Variants in PRDM4 observed in about 807,000 individuals in gnomAD.
The protein encoded by PRDM4 is PR domain zinc finger protein 4.
A neutral mutation model predicts 62.3 loss-of-function variants in PRDM4; 38 were observed. The observed-to-expected ratio is 0.61, with a 90% CI of 0.47 to 0.80. The LOEUF is 0.80. Ranked by LOEUF, PRDM4 falls within the 30% of genes least tolerant of loss-of-function variation. The pLI is 0.00. For missense variants in PRDM4, 858 were observed against 997.1 expected (o/e 0.86, Z 1.88); for synonymous variants, 339 against 348.2 (o/e 0.97, Z 0.30).
chr12:107,738,649 T>TAA (rs1890411083), intron 11 of PRDM4, among the ~76,000 whole-genome samples: 1 of 152,210 alleles, frequency 6.6e-6, no homozygotes, highest in African/African-American at 2.4e-5. Flanking sequence ...ATTCATGCAA[T>TAA]AAATACCTAA....
intron 11 of PRDM4, among the ~76,000 whole-genome samples, chr12:107,735,918 G>C (rs1482480474): frequency 6.6e-6 from 1 of 152,072 alleles, no homozygotes; most frequent in Non-Finnish European, 1.5e-5. Context: ...TCCTCTTCTA[G>C]CAACAGATGG....
intron 2 of PRDM4, among the ~76,000 whole-genome samples, chr12:107,760,214 G>T (rs1186873915): frequency 1.3e-5 from 2 of 152,154 alleles, no homozygotes; most frequent in South Asian, 4.1e-4. Context: ...AACAATACAC[G>T]TTGGAATCCG....
At chr12:107,742,119 T>A in intron 9 of PRDM4, 102 bp downstream of exon 9, 1 of 1,260,564 alleles carries the variant, frequency 7.9e-7, no homozygotes, top group Non-Finnish European at 1.1e-6. Flanking sequence ...AACAAAGGTA[T>A]ATGATTTGCT....
chr12:107,751,708 T>C lies in PRDM4; in HGVS notation c.833A>G (p.Asn278Ser), dbSNP rs148244009. 9.9e-5 allele frequency: 160 copies of C among 1,614,160 alleles called. No individual in the cohort carries two copies. The highest frequency in any genetic ancestry group is 2.7e-4 in the African/African-American group (20 of 75,036). The change falls in exon 5 of 12, where the codon AAT becomes AGT. Residue 278 changes from asparagine to serine, a missense_variant. Physicochemically the swap from Asn to Ser is conservative, Grantham distance 46. Around this residue, in one of 3 missense-constraint regions of PRDM4, gnomAD observed 499 missense variants for 546.7 expected, o/e 0.91. Coordinates refer to ENST00000228437, the MANE Select transcript of PRDM4 (RefSeq NM_012406.4). ...ACTGAGGGCACTGTCAGACATGCCATTGACCCGACTTGCAATGTGGTCTGT... is the reference window on the plus strand; with the variant it reads ...ACTGAGGGCACTGTCAGACATGCCACTGACCCGACTTGCAATGTGGTCTGT... ...METDHIASRV[N>S]GMSDSALSDS...
chr12:107,755,883 G>A (rs1045512274), intron 3 of PRDM4, among the ~76,000 whole-genome samples: 1 of 152,152 alleles, frequency 6.6e-6, no homozygotes, highest in Non-Finnish European at 1.5e-5. Flanking sequence ...GCAGGAGTTC[G>A]AGACCAGCCT....
At chr12:107,736,412 G>T (rs1468756948) in intron 11 of PRDM4, 3 of 152,414 alleles carry the variant, frequency 2.0e-5, no homozygotes, top group Admixed American at 2.0e-4. Context: ...GGCATCTGGA[G>T]GGAGAAGTTT....
rs201635757 is a variant in PRDM4 at position 107,744,554 on chromosome 12, G to A, written c.1384C>T (p.His462Tyr). 39 of 1,613,250 alleles carry A rather than the reference G, an allele frequency of 2.4e-5. No individual in the cohort carries two copies. In the East Asian group the frequency reaches 8.5e-4, roughly 35 times the overall value. ...VAEWTDKAVN[H>Y]IWKIYHNGVL... Reference sequence around the variant, plus strand: ...TCATCAGGACTGACCTTCCAGATATGGTTAACTGCCTTGTCTGTCCATTCT... The same window carrying A: ...TCATCAGGACTGACCTTCCAGATATAGTTAACTGCCTTGTCTGTCCATTCT... Residue 462 changes from histidine (H) to tyrosine (Y), a missense_variant, in exon 7 of 12, where the codon CAT becomes TAT. Coordinates refer to ENST00000228437, the MANE Select transcript of PRDM4 (RefSeq NM_012406.4).
chr12:107,744,485 A>C, intron 7 of PRDM4, 58 bp downstream of exon 7: 1 of 1,569,944 alleles, frequency 6.4e-7, no homozygotes, highest in Non-Finnish European at 8.7e-7. Context: ...TAACTTTTTA[A>C]CTACCTCTTA....
At chr12:107,758,249 T>TG (rs1891123967) in intron 2 of PRDM4, 1 of 144,366 alleles carries the variant, frequency 6.9e-6, no homozygotes, top group Admixed American at 7.3e-5. Context: ...TTTTTTTTTT[T>TG]TTTTTTTTTT....
At chr12:107,760,464 C>T in intron 2 of PRDM4, 41 bp downstream of exon 2, 1 of 1,611,664 alleles carries the variant, frequency 6.2e-7, no homozygotes. Context: ...GCCAGAGTTT[C>T]CAACGATGTC....
At chr12:107,753,219 G>C (rs968882741) in intron 4 of PRDM4, among the ~76,000 whole-genome samples, 1 of 151,868 alleles carries the variant, frequency 6.6e-6, no homozygotes. Flanking sequence ...TTTTAAAAAA[G>C]TTATTTATAA....
chr12:107,748,821 T>C (rs1890805306), intron 5 of PRDM4, among the ~76,000 whole-genome samples: 1 of 152,200 alleles, frequency 6.6e-6, no homozygotes, highest in Non-Finnish European at 1.5e-5. Context: ...AATGTATACA[T>C]AAATTATATC....
At chr12:107,741,509 A>G (rs1351714437) in intron 9 of PRDM4, among the ~76,000 whole-genome samples, 3 of 152,120 alleles carry the variant, frequency 2.0e-5, no homozygotes, top group African/African-American at 7.2e-5. Context: ...CAGGAGTTTA[A>G]GATCAGCCTG....
chr12:107,755,264 T>C (rs1225785819), intron 3 of PRDM4, among the ~76,000 whole-genome samples: 1 of 152,018 alleles, frequency 6.6e-6, no homozygotes, highest in African/African-American at 2.4e-5. Context: ...GCTGCTAATT[T>C]TTTTTTTTTT....
At chr12:107,754,159 A>T (rs1890990454) in intron 3 of PRDM4, 50 bp from the exon 4 acceptor site, 11 of 1,401,706 alleles carry the variant, frequency 7.8e-6, no homozygotes, top group Non-Finnish European at 1.1e-5. Context: ...GGTAATTAAA[A>T]ATTCTCACTA....
chr12:107,738,219 T>C (rs1007831992), intron 11 of PRDM4: 8 of 152,222 alleles, frequency 5.3e-5, no homozygotes, highest in African/African-American at 1.9e-4. Context: ...TAAGACTAGA[T>C]GATCCGGGGA....
Position 107,733,043 on chromosome 12 carries a change from G to A in PRDM4, c.*1167C>T, listed in dbSNP as rs1238711174. The A allele has an allele frequency of 6.6e-6, 1 of 152,576 alleles. No homozygotes were observed. The highest frequency in any genetic ancestry group is 1.5e-5 in the Non-Finnish European group (1 of 68,046). 9.5% of individuals were successfully genotyped at this position (152,576 alleles called of 1,614,324 possible). ...GTTCCATCAATCCTGTCAACTTAAG[G>A]GTGGGTCTGCTTCTGAGAAACGCTG... is the stretch of plus-strand genomic sequence containing the variant. On this transcript the variant is annotated 3_prime_UTR_variant, in exon 12 of 12. Transcript: ENST00000228437.
intron 3 of PRDM4, among the ~76,000 whole-genome samples, chr12:107,754,529 C>T (rs1891003440): frequency 6.6e-6 from 1 of 152,012 alleles, no homozygotes; most frequent in Non-Finnish European, 1.5e-5. Context: ...ATTACAGGCA[C>T]ACACCACCAC....
At chr12:107,746,189 A>C (rs1044561700) in intron 6 of PRDM4, 86 bp downstream of exon 6, 1 of 1,481,314 alleles carries the variant, frequency 6.8e-7, no homozygotes, top group Non-Finnish European at 9.2e-7. Context: ...CCAAATAATT[A>C]CTAAATTATA....
Sources: gnomAD v4.1 joint callset for allele counts (sites outside exome capture counted in the v4.1 genomes callset) on GRCh38, gnomAD v4.1.1 for gene constraint, gnomAD v4.1.1 regional missense constraint, MANE v1.5 for transcripts, NCBI Gene and HGNC (gene_info 2026-07-23, HGNC 2026-07-21) for gene names.